MINDY1: variants seen among roughly 807,000 people sequenced by gnomAD.
MINDY1 encodes MINDY lysine 48 deubiquitinase 1.
A neutral mutation model predicts 53.6 loss-of-function variants in MINDY1; 50 were observed. That is an observed-to-expected ratio of 0.93 (90% confidence interval 0.74 to 1.18). The LOEUF is 1.18. MINDY1 is among the 50% of genes most tolerant of loss of function. The pLI is 0.00. For synonymous variants in MINDY1, 231 were observed against 234.7 expected (o/e 0.98, Z 0.14); for missense variants, 484 against 578.6 (o/e 0.84, Z 1.68).
intron 1 of MINDY1, among the ~76,000 whole-genome samples, chr1:151,005,486 A>G (rs1197380042): frequency 6.6e-6 from 1 of 151,764 alleles, no homozygotes; most frequent in East Asian, 1.9e-4. Context: ...AAAAAAAAAA[A>G]GAAAAGCAGG....
At position 151,006,704 on chromosome 1, in the gene MINDY1, G is replaced by A. The variant is rs886124998; in HGVS notation, c.-482C>T. 44 of 985,484 alleles carry A rather than the reference G, an allele frequency of 4.5e-5. No homozygotes were observed. The highest frequency in any genetic ancestry group is 4.9e-5 in the Non-Finnish European group (41 of 830,064). The allele number at this position is 985,484 out of a possible 1,614,324, so 61.0% of individuals were successfully genotyped here. On this transcript the variant is annotated 5_prime_UTR_variant, in exon 1 of 10. Transcript: ENST00000683666. Reference sequence around the variant, plus strand: ...CTCTCTTTTTTGTTCTCATCAGGACGAAGAAAAATTAGGCAAGGACAAGCT... The same window carrying A: ...CTCTCTTTTTTGTTCTCATCAGGACAAAGAAAAATTAGGCAAGGACAAGCT...
Position 151,002,499 on chromosome 1 carries a change from G to A in MINDY1, c.119C>T (p.Ala40Val), listed in dbSNP as rs895264544. ...TCTAGCCTCCCCATCAGCATCTCTT[G>A]CATCTGTGTCCTGAGGGTGCTCATC... is the stretch of plus-strand genomic sequence containing the variant. ...GPDEHPQDTDARDADGEARER... is the reference protein window; with the variant it reads ...GPDEHPQDTDVRDADGEARER... Residue 40 changes from alanine to valine, a missense_variant, in exon 2 of 10, where the codon GCA becomes GTA. By Grantham distance (64) the Ala-to-Val change is moderately conservative. Transcript: ENST00000683666. The surrounding 1 kb of genome is among the most constrained non-coding windows in gnomAD (Gnocchi z 4.1). 6.2e-7 allele frequency: 1 copy of A among 1,614,208 alleles called. No individual in the cohort carries two copies. Among genetic ancestry groups the A allele is most frequent in the Non-Finnish European group, 8.5e-7 (1 of 1,180,034 alleles).
Position 151,006,116 on chromosome 1 carries a change from G to T in MINDY1, c.-90+196C>A, listed in dbSNP as rs760756899. ...ACTTGCTCACAAGGAGAGGGGGAAGGTTTCGTGCTTTCATTAAAAGGAGGA... is the reference window on the plus strand; with the variant it reads ...ACTTGCTCACAAGGAGAGGGGGAAGTTTTCGTGCTTTCATTAAAAGGAGGA... On this transcript the variant is annotated intron_variant, in intron 1 of 9. Coordinates refer to ENST00000683666, the MANE Select transcript of MINDY1 (RefSeq NM_001376665.1). 1.8e-5 allele frequency: 28 copies of T among 1,551,552 alleles called. No individual in the cohort carries two copies. Among genetic ancestry groups the T allele is most frequent in the Non-Finnish European group, 2.4e-5 (27 of 1,146,988 alleles).
rs1673258836 is a variant in MINDY1, at chr1:151,006,673, T to C, written c.-451A>G. 1 of 986,000 alleles carries C rather than the reference T, an allele frequency of 1.0e-6. No individual in the cohort carries two copies. Among genetic ancestry groups the C allele is most frequent in the Non-Finnish European group, 1.2e-6 (1 of 830,416 alleles). The allele number at this position is 986,000 out of a possible 1,614,324, so 61.1% of individuals were successfully genotyped here. A position where few individuals can be genotyped will look rare whatever the true frequency, so the allele number is the denominator to read the frequency against. On this transcript the variant is annotated 5_prime_UTR_variant, in exon 1 of 10. Transcript: ENST00000683666. ...AAGGAAGTTTGTGGTTTTTCTTTTC[T>C]TCTCTCTCTCTTTTTTGTTCTCATC...
chr1:150,998,122 C>T lies in MINDY1; in HGVS notation c.1133G>A (p.Gly378Asp). 6 of 1,613,700 alleles carry T rather than the reference C, an allele frequency of 3.7e-6. No individual in the cohort carries two copies. Among genetic ancestry groups the T allele is most frequent in the Non-Finnish European group, 5.1e-6 (6 of 1,179,992 alleles). ...CTGCGTTTCTGGGGAGCCACTCCCA[C>T]CTTCTGCTCCAGGCCCCTTGCCCAG... ...HSLGKGPGAEGGSGSPETQLQ... is the reference protein window; with the variant it reads ...HSLGKGPGAEDGSGSPETQLQ... The change falls in exon 8 of 10, where the codon GGT becomes GAT. Residue 378 changes from glycine to aspartate, a missense_variant. Transcript: ENST00000683666.
chr1:151,000,396 AT>A (rs1413952523), intron 5 of MINDY1, 60 bp downstream of exon 5: 93 of 1,515,464 alleles, frequency 6.1e-5, no homozygotes, highest in Non-Finnish European at 8.2e-5. Context: ...CCCGACAAAA[AT>A]TTGCCTCTCT....
At chr1:150,996,696 T>A (rs1398375316), downstream of MINDY1, 4 of 151,650 alleles carry the variant, frequency 2.6e-5, no homozygotes, top group Non-Finnish European at 5.9e-5. Context: ...GCGCCCACCA[T>A]GACGCCCAGC....
intron 1 of MINDY1, 76 bp downstream of exon 1, chr1:151,006,236 A>C: frequency 6.6e-7 from 1 of 1,519,134 alleles, no homozygotes; most frequent in Non-Finnish European, 8.9e-7. Flanking sequence ...AGCAGGTGTC[A>C]GCTCCCCAAA....
In MINDY1 at chr1:151,002,091, G is replaced by A. The variant is rs1004004750; in HGVS notation, c.453+74C>T. 12 of 1,424,100 alleles carry A rather than the reference G, an allele frequency of 8.4e-6. No individual in the cohort carries two copies. The highest frequency in any genetic ancestry group is 2.2e-5 in the Admixed American group (1 of 45,670). The allele number at this position is 1,424,100 out of a possible 1,614,324, so 88.2% of individuals were successfully genotyped here. ...AGTTTTGACTAGTTTGAGGACATCA[G>A]GATGATCAAGGAAGTAAGTCAGGGA... On this transcript the variant is annotated intron_variant, in intron 2 of 9. Coordinates refer to ENST00000683666, the MANE Select transcript of MINDY1 (RefSeq NM_001376665.1). The surrounding 1 kb of genome is among the most constrained non-coding windows in gnomAD (Gnocchi z 4.1).
chr1:150,997,047 G>A lies in MINDY1; in HGVS notation c.*240C>T, dbSNP rs765863945. The stretch of plus-strand genomic sequence containing the variant: ...ACATACGTGTGACTATTCAGGGACC[G>A]GGAGTTGAGAACCAGAAACCCACCA... On this transcript the variant is annotated 3_prime_UTR_variant, in exon 10 of 10. Transcript: ENST00000683666. 8.7e-5 allele frequency: 50 copies of A among 575,930 alleles called. No individual in the cohort carries two copies. The highest frequency in any genetic ancestry group is 6.5e-4 in the South Asian group (32 of 49,378). The allele number at this position is 575,930 out of a possible 1,614,324, so 35.7% of individuals were successfully genotyped here. A position where few individuals can be genotyped will look rare whatever the true frequency, so the allele number is the denominator to read the frequency against.
chr1:150,997,220 G>A lies in MINDY1; in HGVS notation c.*67C>T, dbSNP rs776448856. 2.0e-5 allele frequency: 29 copies of A among 1,484,058 alleles called. No individual in the cohort carries two copies. The highest frequency in any genetic ancestry group is 1.4e-4 in the African/African-American group (10 of 71,754). The allele number at this position is 1,484,058 out of a possible 1,614,324, so 91.9% of individuals were successfully genotyped here. ...TCCAGCACATCTCAGGGGTGGAGGCGGGGGAGCAAGCCAACTAGCCATAGC... is the reference window on the plus strand; with the variant it reads ...TCCAGCACATCTCAGGGGTGGAGGCAGGGGAGCAAGCCAACTAGCCATAGC... On this transcript the variant is annotated 3_prime_UTR_variant, in exon 10 of 10. Transcript: ENST00000683666.
chr1:150,999,277 C>A lies in MINDY1; in HGVS notation c.981+92G>T. The stretch of plus-strand genomic sequence containing the variant: ...GGATTTGAGGGGTCACTTGCTACCA[C>A]GGCTTAATCTAGCTGATCCCAGCTG... On this transcript the variant is annotated intron_variant, in intron 7 of 9. Coordinates refer to ENST00000683666, the MANE Select transcript of MINDY1 (RefSeq NM_001376665.1). The surrounding 1 kb of genome is among the most constrained non-coding windows in gnomAD (Gnocchi z 4.4). 1 of 1,548,428 alleles carries A rather than the reference C, an allele frequency of 6.5e-7. No homozygotes were observed. The highest frequency in any genetic ancestry group is 8.8e-7 in the Non-Finnish European group (1 of 1,137,104).
At chr1:151,008,266 A>G, upstream of MINDY1, 1 of 1,211,778 alleles carries the variant, frequency 8.3e-7, no homozygotes. Flanking sequence ...TTACCGAACG[A>G]CTGATCCCTC....
At chr1:150,997,861 C>A in intron 8 of MINDY1, 82 bp from the exon 9 acceptor site, 1 of 1,437,000 alleles carries the variant, frequency 7.0e-7, no homozygotes. Context: ...AGTTTTCCCA[C>A]ATCCCTCAAA....
chr1:151,001,180 T>A, intron 4 of MINDY1, 70 bp downstream of exon 4: 1 of 1,483,396 alleles, frequency 6.7e-7, no homozygotes, highest in East Asian at 2.3e-5. Context: ...CAACAAAAGC[T>A]TATCTTAGTA....
rs1038579496 is a variant in MINDY1, at chr1:151,006,325, G to T, written c.-103C>A. On this transcript the variant is annotated 5_prime_UTR_variant, in exon 1 of 10. Coordinates refer to ENST00000683666, the MANE Select transcript of MINDY1 (RefSeq NM_001376665.1). ...TAAAGTTTTTACCTTAAAGAAGGGG[G>T]TGCTGTTCCAAGATTGAGAAGGAGG... 9 of 1,416,344 alleles carry T rather than the reference G, an allele frequency of 6.4e-6. No individual in the cohort carries two copies. The Admixed American group carries it at 8.6e-5, about 13-fold the overall frequency. 87.7% of individuals were successfully genotyped at this position (1,416,344 alleles called of 1,614,324 possible). A position where few individuals can be genotyped will look rare whatever the true frequency, so the allele number is the denominator to read the frequency against.
In MINDY1 at chr1:151,001,295, G is replaced by C; in HGVS notation, c.531C>G (p.Ile177Met). ...GTCCCTCTGACTTCTCCTGGGGCTT[G>C]ATGGACAGGAGGCAGTTTCCTACAA... ...MAHLGNCLLSIKPQEKSEGLQ... is the reference protein window; with the variant it reads ...MAHLGNCLLSMKPQEKSEGLQ... Residue 177 changes from isoleucine to methionine, a missense_variant, in exon 4 of 10, where the codon ATC (isoleucine) becomes ATG (methionine). Ile to Met is a conservative substitution (Grantham distance 10). Transcript: ENST00000683666. 1 of 1,614,190 alleles carries C rather than the reference G, an allele frequency of 6.2e-7. No homozygotes were observed.
At chr1:150,998,753 C>T (rs911509096) in intron 7 of MINDY1, among the ~76,000 whole-genome samples, 22 of 152,034 alleles carry the variant, frequency 1.4e-4, no homozygotes, top group African/African-American at 5.3e-4. Context: ...GGTGGTCATT[C>T]TGGCTAAGCG....
At chr1:151,004,987 G>C (rs899391146) in intron 1 of MINDY1, among the ~76,000 whole-genome samples, 10 of 152,126 alleles carry the variant, frequency 6.6e-5, no homozygotes, top group African/African-American at 2.4e-4. Context: ...TATGCTAGCT[G>C]CATATCATTT....
Sources: gnomAD v4.1 joint callset for allele counts (sites outside exome capture counted in the v4.1 genomes callset) on GRCh38, gnomAD v4.1.1 for gene constraint, Gnocchi (gnomAD v3.1) non-coding constraint, MANE v1.5 for transcripts, NCBI Gene and HGNC (gene_info 2026-07-23, HGNC 2026-07-21) for gene names.